SLC12A7: variants seen among roughly 807,000 people sequenced by gnomAD.
SLC12A7 encodes the protein solute carrier family 12 member 7, also known as K-Cl cotransporter 4.
In SLC12A7, 100 loss-of-function variants were observed where a neutral mutation model predicts 120.6. The ratio of observed to expected loss-of-function variants is 0.83; its 90% CI spans 0.71 to 0.98. The LOEUF is 0.98. SLC12A7 is among the 50% of genes least tolerant of loss of function. The probability of loss-of-function intolerance (pLI) is 0.00; values close to 1 mark genes in which losing one functional copy is unlikely to be tolerated. For missense variants in SLC12A7, 1,373 were observed against 1,548.1 expected (o/e 0.89, Z 1.90); for synonymous variants, 760 against 678.0 (o/e 1.12, Z -1.88).
the SLC12A7 span, among the ~76,000 whole-genome samples, chr5:1,132,141 A>G: frequency 6.6e-6 from 1 of 152,216 alleles, no homozygotes; most frequent in South Asian, 2.1e-4. Context: ...GCGGCATGAA[A>G]GTGACCTCTG....
the SLC12A7 span, among the ~76,000 whole-genome samples, chr5:1,132,036 G>A: frequency 3.4e-4 from 52 of 152,302 alleles, no homozygotes; most frequent in African/African-American, 1.1e-3. Context: ...AGGTGAGACG[G>A]GACGACCGCG....
chr5:1,089,103 C>T lies in SLC12A7; in HGVS notation c.368G>A (p.Gly123Asp). ...GTTCTGCAGGCACGGCAGGTAGACG[C>T]CGATGAAGGTGCCCATGCGCGGAGC... is the stretch of plus-strand genomic sequence containing the variant. The part of the protein sequence containing the change: ...AKAPRMGTFI[G>D]VYLPCLQNIL... Residue 123 changes from glycine to aspartate, a missense_variant, in exon 4 of 24, where the codon GGC (glycine) becomes GAC (aspartate). Gly to Asp is a moderately conservative substitution (Grantham distance 94). Transcript: ENST00000264930. 1.9e-6 allele frequency: 3 copies of T among 1,612,838 alleles called. No individual in the cohort carries two copies. In the East Asian group the frequency reaches 6.7e-5, roughly 36 times the overall value.
chr5:1,083,978 G>A (rs1739519823), intron 7 of SLC12A7, 22 bp from the exon 8 acceptor site: 7 of 1,593,040 alleles, frequency 4.4e-6, no homozygotes, highest in Middle Eastern at 2.2e-4. Context: ...AGGGAGGCAC[G>A]GCACGTGTGC....
the SLC12A7 span, among the ~76,000 whole-genome samples, chr5:1,124,618 C>T: frequency 4.6e-5 from 7 of 152,014 alleles, no homozygotes; most frequent in Admixed American, 2.0e-4. Flanking sequence ...CAGAGCCTTG[C>T]GGCGCTGGAC....
At chr5:1,093,978 G>T (rs1164466096) in intron 2 of SLC12A7, among the ~76,000 whole-genome samples, 176 bp downstream of exon 2, 2 of 152,098 alleles carry the variant, frequency 1.3e-5, no homozygotes, top group African/African-American at 4.8e-5. Context: ...GCACGTCCCA[G>T]CTCAAGTGCG....
chr5:1,065,931 G>T (rs991797911), intron 17 of SLC12A7, among the ~76,000 whole-genome samples: 10 of 152,104 alleles, frequency 6.6e-5, no homozygotes, highest in Non-Finnish European at 1.0e-4. Context: ...GGCGGGGGGC[G>T]GGGGTGGGGG....
chr5:1,053,360 C>T lies in SLC12A7; in HGVS notation c.3149G>A (p.Gly1050Glu), dbSNP rs755334959. Residue 1050 changes from glycine (G) to glutamate (E), a missense_variant, in exon 23 of 24, where the codon GGA becomes GAA. Gly to Glu is a moderately conservative substitution (Grantham distance 98). Coordinates refer to ENST00000264930, the MANE Select transcript of SLC12A7 (RefSeq NM_006598.3). ...GCAAGAAAGGATACAGTTCTCGTCT[C>T]CCTGCCGGTTTTTGGGAGGACCTGG... ...NMPGPPKNRQ[G>E]DENYMEFLEV... The T allele has an allele frequency of 2.5e-6, 4 of 1,613,886 alleles. No individual in the cohort carries two copies. The South Asian group carries it at 4.4e-5, about 18-fold the overall frequency.
rs1289086797 is a variant in SLC12A7, at chr5:1,061,258, C to T, written c.2740-807G>A. Among the ~76,000 whole-genome samples, 9 of 12,880 alleles carry T rather than the reference C, an allele frequency of 7.0e-4. 2 individuals are homozygous for T. The highest frequency in any genetic ancestry group is 7.4e-4 in the African/African-American group (9 of 12,110). 8.4% of individuals were successfully genotyped at this position (12,880 alleles called of 152,430 possible). ...TACCTGCCGCATCCGCCATGCGGAA[C>T]CCCTGCGTCTCACCCACCGCACCTG... On this transcript the variant is annotated intron_variant, in intron 20 of 23. Coordinates refer to ENST00000264930, the MANE Select transcript of SLC12A7 (RefSeq NM_006598.3).
the SLC12A7 span, among the ~76,000 whole-genome samples, chr5:1,118,193 C>T: frequency 3.9e-5 from 6 of 152,274 alleles, no homozygotes; most frequent in South Asian, 1.2e-3. Flanking sequence ...TATTGCGATT[C>T]CCCTGATTTG....
At chr5:1,093,485 G>A (rs751733486) in intron 3 of SLC12A7, 48 bp downstream of exon 3, 50 of 1,566,228 alleles carry the variant, frequency 3.2e-5, no homozygotes, top group South Asian at 2.8e-4. Context: ...TAACCCTGCC[G>A]GGACACACGG....
Position 1,083,890 on chromosome 5 carries a change from G to A in SLC12A7, c.984C>T (p.Gly328=), listed in dbSNP as rs199872027. The part of the protein sequence containing the change: ...RSFDACVKAY[G]IHNNSATSAL... The stretch of plus-strand genomic sequence containing the variant: ...CGGAGGTGGCTGAGTTGTTGTGGAT[G>A]CCGTAGGCCTTGACGCAGGCATCGA... The change falls in exon 8 of 24, where the codon GGC becomes GGT. Residue 328 remains glycine, a synonymous_variant. Coordinates refer to ENST00000264930, the MANE Select transcript of SLC12A7 (RefSeq NM_006598.3). 7.8e-5 allele frequency: 126 copies of A among 1,608,438 alleles called. No homozygotes were observed. The highest frequency in any genetic ancestry group is 9.6e-5 in the Non-Finnish European group (113 of 1,178,750).
chr5:1,132,175 G>C, the SLC12A7 span, among the ~76,000 whole-genome samples: 1,226 of 152,270 alleles, frequency 8.1e-3, 22 homozygotes, highest in African/African-American at 0.028. Context: ...CTCATTACAC[G>C]CTAATTCGAA....
At chr5:1,096,765 AAAGGAGGGAGGGGGGGAGGGAGGGAAGG>A (rs1741229684) in intron 1 of SLC12A7, among the ~76,000 whole-genome samples, 116 of 3,936 alleles carry the variant, frequency 0.029, 7 homozygotes, top group Admixed American at 0.19. Context: ...GGGAGGAAGG[AAAGGAGGGAGGGGGGGAGGGAGGGAAGG>A]AAGGAGGGAG....
In SLC12A7 at chr5:1,052,457, G is replaced by T; in HGVS notation, c.3161-6C>A. 3 of 1,611,056 alleles carry T rather than the reference G, an allele frequency of 1.9e-6. No individual in the cohort carries two copies. The South Asian group carries it at 3.3e-5, about 18-fold the overall frequency. ...GACTTCAAGAAACTCCATGTCTGTG[G>T]TCAACAGAGTTAAGGCCACAGCTGA... On this transcript the variant is annotated splice_polypyrimidine_tract_variant and splice_region_variant and intron_variant, in intron 23 of 23. Coordinates refer to ENST00000264930, the MANE Select transcript of SLC12A7 (RefSeq NM_006598.3).
At chr5:1,056,714 AG>A (rs1735652875) in intron 22 of SLC12A7, 1 of 311,298 alleles carries the variant, frequency 3.2e-6, no homozygotes, top group Non-Finnish European at 4.7e-6. Context: ...AGGGCCCAGG[AG>A]CCCCCAGCCC....
Position 1,083,246 on chromosome 5 carries a change from G to C in SLC12A7, c.1129+499C>G, listed in dbSNP as rs566131125. On this transcript the variant is annotated intron_variant, in intron 8 of 23. Coordinates refer to ENST00000264930, the MANE Select transcript of SLC12A7 (RefSeq NM_006598.3). The stretch of plus-strand genomic sequence containing the variant: ...GGGCTCTGGAAAGCCTGGGCTTCCT[G>C]TCTTGGGTTCTGGAAAGCCTGGGCT... 3.0e-3 allele frequency among the ~76,000 whole-genome samples: 440 copies of C among 148,044 alleles called. 3 individuals are homozygous for C. Among genetic ancestry groups the C allele is most frequent in the South Asian group, 0.013 (62 of 4,614 alleles).
chr5:1,103,540 T>G (rs1268080829), intron 1 of SLC12A7, among the ~76,000 whole-genome samples: 1 of 151,602 alleles, frequency 6.6e-6, no homozygotes, highest in Non-Finnish European at 1.5e-5. Context: ...CTCACACGCT[T>G]CCCCCCTCAT....
Position 1,093,615 on chromosome 5 carries a change from T to A in SLC12A7, c.260A>T (p.Asn87Ile). 5 of 1,613,170 alleles carry A rather than the reference T, an allele frequency of 3.1e-6. No individual in the cohort carries two copies. Among genetic ancestry groups the A allele is most frequent in the Non-Finnish European group, 4.2e-6 (5 of 1,179,884 alleles). ...CAGGTTGGTGTAGTTGGCCAGCTTG[T>A]TGAGCAGCGAGGACACCATGGGGTT... ...DSNPMVSSLL[N>I]KLANYTNLSQ... The change falls in exon 3 of 24, where the codon AAC (asparagine) becomes ATC (isoleucine). Residue 87 changes from asparagine to isoleucine, a missense_variant. Physicochemically the swap from Asn to Ile is moderately radical, Grantham distance 149. Coordinates refer to ENST00000264930, the MANE Select transcript of SLC12A7 (RefSeq NM_006598.3).
chr5:1,116,148 G>A (rs146073093), upstream of SLC12A7, among the ~76,000 whole-genome samples: 12 of 152,262 alleles, frequency 7.9e-5, no homozygotes, highest in East Asian at 2.1e-3. Context: ...TGGTAGGCAG[G>A]GATGACAGAA....
Sources: allele counts gnomAD v4.1 joint callset (sites outside exome capture counted in the v4.1 genomes callset), GRCh38; gene constraint gnomAD v4.1.1; transcripts MANE v1.5; gene names NCBI Gene and HGNC (gene_info 2026-07-23, HGNC 2026-07-21).